MAP3K15: variants seen among roughly 807,000 people sequenced by gnomAD.
The protein encoded by MAP3K15 is MAPK/ERK kinase kinase 15.
In MAP3K15, 124 loss-of-function variants were observed where a neutral mutation model predicts 99.5. That is an observed-to-expected ratio of 1.25 (90% CI 1.08 to 1.45). The LOEUF (loss-of-function observed/expected upper bound fraction) is 1.45. MAP3K15 is among the 40% of genes most tolerant of loss of function. The pLI is 0.00. For missense variants in MAP3K15, 1,242 were observed against 1,079.7 expected (o/e 1.15, Z -2.11); for synonymous variants, 494 against 439.6 (o/e 1.12, Z -1.55).
At chrX:19,476,470 T>G (rs2064243958) in intron 3 of MAP3K15, among the ~76,000 whole-genome samples, 1 of 111,955 alleles carries the variant, frequency 8.9e-6, no homozygotes, top group South Asian at 3.7e-4. Context: ...CAAAGTTAAT[T>G]TATTGTAGAA....
At chrX:19,431,651 A>G (rs761041196) in intron 6 of MAP3K15, 43 bp from the exon 7 acceptor site, 2 of 1,119,474 alleles carry the variant, frequency 1.8e-6, no homozygotes, top group African/African-American at 1.8e-5. Context: ...ATCAATCAAG[A>G]CAATGGAGTA....
chrX:19,397,585 G>T (rs978769410), intron 15 of MAP3K15, among the ~76,000 whole-genome samples: 1 of 111,515 alleles, frequency 9.0e-6, no homozygotes, highest in Non-Finnish European at 1.9e-5. Context: ...CTGCACTCCT[G>T]CCTGAGTGAC....
chrX:19,388,721 C>A (rs769561660), intron 18 of MAP3K15, among the ~76,000 whole-genome samples: 1 of 111,743 alleles, frequency 8.9e-6, no homozygotes, highest in South Asian at 3.8e-4. Context: ...GTGGTTGGGC[C>A]AGGATTTGAA....
intron 6 of MAP3K15, among the ~76,000 whole-genome samples, chrX:19,455,743 C>G (rs925404470): frequency 1.8e-5 from 2 of 109,361 alleles, no homozygotes; most frequent in Non-Finnish European, 3.8e-5. Context: ...TGTCTGACAA[C>G]GGTTACCTCT....
chrX:19,487,505 A>G (rs753198821), intron 2 of MAP3K15, among the ~76,000 whole-genome samples: 1 of 112,132 alleles, frequency 8.9e-6, no homozygotes, highest in Admixed American at 9.5e-5. Context: ...GAAAAGGTCA[A>G]TATCTAACTA....
chrX:19,417,017 GT>G (rs1465484314), intron 9 of MAP3K15, among the ~76,000 whole-genome samples: 10 of 112,442 alleles, frequency 8.9e-5, no homozygotes, highest in African/African-American at 3.2e-4. Flanking sequence ...CTTTGACCAG[GT>G]TTACTCCAAT....
intron 3 of MAP3K15, among the ~76,000 whole-genome samples, chrX:19,471,482 G>T (rs768559084): frequency 1.8e-5 from 2 of 111,088 alleles, no homozygotes; most frequent in Admixed American, 9.6e-5. Context: ...GGCTGGTCTT[G>T]AACTCCCAAC....
intron 18 of MAP3K15, among the ~76,000 whole-genome samples, chrX:19,390,351 A>T (rs1329296048): frequency 1.8e-4 from 15 of 82,232 alleles, no homozygotes; most frequent in Non-Finnish European, 3.3e-4. Context: ...TCTGCCACCC[A>T]GGCTGGAGTG....
intron 3 of MAP3K15, among the ~76,000 whole-genome samples, chrX:19,471,171 C>T (rs1347987406): frequency 9.0e-6 from 1 of 111,231 alleles, no homozygotes; most frequent in Non-Finnish European, 1.9e-5. Flanking sequence ...ATTAAGTGCA[C>T]CAACATATGT....
At chrX:19,513,242 C>T (rs1419339660) in intron 1 of MAP3K15, among the ~76,000 whole-genome samples, 3 of 111,184 alleles carry the variant, frequency 2.7e-5, no homozygotes, top group Admixed American at 1.9e-4. Flanking sequence ...AAGGGCCCCC[C>T]GTACACACAC....
chrX:19,366,369 T>C (rs1469747722), intron 25 of MAP3K15, among the ~76,000 whole-genome samples: 1 of 111,751 alleles, frequency 8.9e-6, no homozygotes, highest in Non-Finnish European at 1.9e-5. Context: ...CATCTTCCTT[T>C]GGCTCTGCCC....
chrX:19,433,747 A>T (rs767115997), intron 6 of MAP3K15, among the ~76,000 whole-genome samples: 1 of 112,114 alleles, frequency 8.9e-6, no homozygotes, highest in Non-Finnish European at 1.9e-5. Context: ...AAAAACAAAA[A>T]CAAAACAGGT....
In MAP3K15 at chrX:19,483,257, CAA is replaced by C. The variant is rs57191935; in HGVS notation, c.525+3223_525+3224del. On this transcript the variant is annotated intron_variant, in intron 3 of 28. Transcript: ENST00000338883. ...TGGGCTACAGGGCAAGACTCCATCT[CAA>C]AAAAAAAAAAAAAAAAGAAATGGAG... Among the ~76,000 whole-genome samples the C allele has an allele frequency of 4.2e-4, 22 of 52,595 alleles. No homozygotes were observed. In the South Asian group the frequency reaches 8.7e-3, roughly 21 times the overall value. 45.7% of individuals were successfully genotyped at this position (52,595 alleles called of 115,157 possible).
At chrX:19,512,642 CTTT>C (rs896407684) in intron 1 of MAP3K15, among the ~76,000 whole-genome samples, 104 of 71,204 alleles carry the variant, frequency 1.5e-3, no homozygotes, top group Admixed American at 2.6e-3. Context: ...CCACATCCTG[CTTT>C]TTTTTTTTTT....
chrX:19,459,071 A>G (rs1363829766), intron 5 of MAP3K15, among the ~76,000 whole-genome samples: 1 of 111,321 alleles, frequency 9.0e-6, no homozygotes, highest in African/African-American at 3.3e-5. Flanking sequence ...TGGGTCCTGA[A>G]TGTGTTTCTG....
intron 5 of MAP3K15, among the ~76,000 whole-genome samples, chrX:19,457,422 G>C (rs758409570): frequency 9.0e-6 from 1 of 111,252 alleles, no homozygotes; most frequent in Non-Finnish European, 1.9e-5. Flanking sequence ...GACTAGCCTG[G>C]CCAACATGGT....
chrX:19,430,762 C>G (rs907862767), intron 7 of MAP3K15, among the ~76,000 whole-genome samples: 1 of 110,937 alleles, frequency 9.0e-6, no homozygotes, highest in Admixed American at 9.7e-5. Context: ...GCTTCATCCT[C>G]AGAGTCTCTG....
chrX:19,388,552 T>C (rs1055904838), intron 18 of MAP3K15, among the ~76,000 whole-genome samples: 4 of 112,372 alleles, frequency 3.6e-5, no homozygotes, highest in African/African-American at 1.3e-4. Flanking sequence ...TCAATTGCAC[T>C]TGCTATGTGC....
chrX:19,487,999 G>A (rs2064341135), intron 2 of MAP3K15, among the ~76,000 whole-genome samples: 1 of 110,934 alleles, frequency 9.0e-6, no homozygotes, highest in Middle Eastern at 4.6e-3. Flanking sequence ...ATTGGTCTGG[G>A]GTGGGGCCTA....
Sources: gnomAD v4.1 joint callset for allele counts (sites outside exome capture counted in the v4.1 genomes callset) on GRCh38, gnomAD v4.1.1 for gene constraint, MANE v1.5 for transcripts, NCBI Gene and HGNC (gene_info 2026-07-23, HGNC 2026-07-21) for gene names.